TFDP1: variants seen among roughly 807,000 people sequenced by gnomAD.
The protein encoded by TFDP1 is transcription factor Dp-1.
A neutral mutation model predicts 48.0 loss-of-function variants in TFDP1; 6 were observed. The ratio of observed to expected loss-of-function variants is 0.13; its 90% confidence interval spans 0.07 to 0.25. The LOEUF (loss-of-function observed/expected upper bound fraction) is 0.25. Ranked by LOEUF, TFDP1 falls within the 10% of genes least tolerant of loss-of-function variation. The probability of loss-of-function intolerance (pLI) is 1.00; values close to 1 mark genes in which losing one functional copy is unlikely to be tolerated. For synonymous variants in TFDP1, 201 were observed against 211.6 expected (o/e 0.95, Z 0.44); for missense variants, 335 against 543.0 (o/e 0.62, Z 3.81).
intron 2 of TFDP1, among the ~76,000 whole-genome samples, chr13:113,594,406 T>C (rs572411128): frequency 2.8e-4 from 42 of 151,374 alleles, no homozygotes; most frequent in African/African-American, 1.0e-3. Flanking sequence ...CCTGCCCAGG[T>C]GACAGGTGTG....
intron 2 of TFDP1, among the ~76,000 whole-genome samples, chr13:113,595,114 G>A (rs186655738): frequency 1.3e-5 from 2 of 152,230 alleles, no homozygotes; most frequent in East Asian, 1.9e-4. Context: ...TTTTTGGTAC[G>A]TTGGGGAGTC....
chr13:113,624,936 T>A (rs1452747928), intron 4 of TFDP1, among the ~76,000 whole-genome samples: 1 of 147,572 alleles, frequency 6.8e-6, no homozygotes, highest in Non-Finnish European at 1.5e-5. Flanking sequence ...TTCTCAGGTG[T>A]CTCTCACATG....
At chr13:113,594,308 G>T (rs555953741) in intron 2 of TFDP1, among the ~76,000 whole-genome samples, 33 of 151,210 alleles carry the variant, frequency 2.2e-4, no homozygotes, top group African/African-American at 7.3e-4. Flanking sequence ...CTGTGTGTGG[G>T]TCCTCACCCT....
chr13:113,608,054 G>A (rs1258480782), intron 2 of TFDP1, among the ~76,000 whole-genome samples: 3 of 152,324 alleles, frequency 2.0e-5, no homozygotes, highest in Middle Eastern at 3.4e-3. Context: ...GTGGCTGAGT[G>A]CACGGTGGCC....
intron 2 of TFDP1, among the ~76,000 whole-genome samples, chr13:113,609,575 G>A (rs1448002370): frequency 6.6e-6 from 1 of 152,082 alleles, no homozygotes; most frequent in Non-Finnish European, 1.5e-5. Context: ...TGCAGTGGTC[G>A]TCTTGCTGGG....
intron 2 of TFDP1, among the ~76,000 whole-genome samples, chr13:113,605,777 A>T (rs528832869): frequency 6.6e-5 from 10 of 152,260 alleles, no homozygotes; most frequent in Non-Finnish European, 1.5e-4. Context: ...CACAGAAGTC[A>T]GTTCAGGGAG....
chr13:113,584,828 CCCGCGCTCCGCA>C lies in TFDP1; in HGVS notation c.-118_-107del, dbSNP rs1437600343. On this transcript the variant is annotated 5_prime_UTR_variant, in exon 1 of 12. Transcript: ENST00000375370. ...CCCAGCCCGCGCCTCTCCGCGCCGC[CCCGCGCTCCGCA>C]CCGCGCCCTCTCCGCGTCCCCGCCC... 4 of 146,272 alleles carry C rather than the reference CCCGCGCTCCGCA, an allele frequency of 2.7e-5. No individual in the cohort carries two copies. The highest frequency in any genetic ancestry group is 4.9e-5 in the African/African-American group (2 of 40,748). 9.1% of individuals were successfully genotyped at this position (146,272 alleles called of 1,614,324 possible).
chr13:113,633,774 TG>T lies in TFDP1; in HGVS notation c.475-112del. On this transcript the variant is annotated intron_variant, in intron 6 of 11. Transcript: ENST00000375370. This position sits in a 1 kb window ranked among gnomAD's most constrained non-coding sequence, Gnocchi z 4.5. Reference sequence around the variant, plus strand: ...GTGGGAGCGCTCCCTGAGGGCATGTTGGGGTGGCGGCTCCGTGAGCGGGGTG... The same window carrying T: ...GTGGGAGCGCTCCCTGAGGGCATGTTGGGTGGCGGCTCCGTGAGCGGGGTG... The T allele has an allele frequency of 7.8e-7, 1 of 1,284,276 alleles. No homozygotes were observed. The highest frequency in any genetic ancestry group is 1.4e-5 in the South Asian group (1 of 70,416). The allele number at this position is 1,284,276 out of a possible 1,614,324, so 79.6% of individuals were successfully genotyped here. A position where few individuals can be genotyped will look rare whatever the true frequency, so the allele number is the denominator to read the frequency against.
chr13:113,597,491 C>T (rs2048314177), intron 2 of TFDP1, among the ~76,000 whole-genome samples: 1 of 152,160 alleles, frequency 6.6e-6, no homozygotes, highest in Admixed American at 6.5e-5. Context: ...GCAGGGGTCC[C>T]GGGGCCTGAA....
intron 2 of TFDP1, among the ~76,000 whole-genome samples, chr13:113,591,774 A>T (rs1321853841): frequency 1.3e-5 from 2 of 152,180 alleles, no homozygotes; most frequent in Non-Finnish European, 2.9e-5. Context: ...GGTGGCTTAG[A>T]CTACGTGTGG....
chr13:113,612,322 C>T (rs1016020402), intron 3 of TFDP1, among the ~76,000 whole-genome samples: 1 of 152,256 alleles, frequency 6.6e-6, no homozygotes, highest in Non-Finnish European at 1.5e-5. Context: ...CCTCCCCAGC[C>T]TCCTGCTGTC....
intron 3 of TFDP1, among the ~76,000 whole-genome samples, chr13:113,621,877 C>T (rs907544881): frequency 6.6e-5 from 10 of 152,222 alleles, no homozygotes; most frequent in African/African-American, 1.9e-4. Flanking sequence ...GAGGCCTAAC[C>T]GTCTCCCTGT....
chr13:113,628,220 C>T (rs911006902), intron 4 of TFDP1, among the ~76,000 whole-genome samples: 4 of 144,536 alleles, frequency 2.8e-5, no homozygotes, highest in Admixed American at 1.3e-4. Context: ...TGTCTGGAGC[C>T]GTGTAAAGAC....
chr13:113,587,230 A>T (rs2048027796), intron 2 of TFDP1, among the ~76,000 whole-genome samples: 1 of 151,626 alleles, frequency 6.6e-6, no homozygotes, highest in African/African-American at 2.4e-5. Flanking sequence ...GCTCTGCAGG[A>T]CCCTGAATGC....
chr13:113,598,853 A>G lies in TFDP1; in HGVS notation c.13-12143A>G, dbSNP rs1263822479. Among the ~76,000 whole-genome samples the G allele has an allele frequency of 1.3e-5, 2 of 152,210 alleles. No homozygotes were observed. Among genetic ancestry groups the G allele is most frequent in the Non-Finnish European group, 2.9e-5 (2 of 68,040 alleles). On this transcript the variant is annotated intron_variant, in intron 2 of 11. Coordinates refer to ENST00000375370, the MANE Select transcript of TFDP1 (RefSeq NM_007111.5). The surrounding 1 kb of genome is among the most constrained non-coding windows in gnomAD (Gnocchi z 4.2). Reference sequence around the variant, plus strand: ...GATGTTGGGCACCACCCTCGCCTGCAGCTCATCACCTCTGGATGGATCTTG... The same window carrying G: ...GATGTTGGGCACCACCCTCGCCTGCGGCTCATCACCTCTGGATGGATCTTG...
chr13:113,614,118 TGAG>T (rs1381216609), intron 3 of TFDP1, among the ~76,000 whole-genome samples: 1 of 150,728 alleles, frequency 6.6e-6, no homozygotes, highest in African/African-American at 2.4e-5. Context: ...ACGTGTGAGT[TGAG>T]TTGTGTGCAT....
At chr13:113,592,010 T>C (rs1296557932) in intron 2 of TFDP1, among the ~76,000 whole-genome samples, 1 of 152,348 alleles carries the variant, frequency 6.6e-6, no homozygotes, top group East Asian at 1.9e-4. Context: ...CCGACTCCGC[T>C]TCAGGGCTCC....
chr13:113,621,240 C>T (rs867688822), intron 3 of TFDP1, among the ~76,000 whole-genome samples: 15 of 152,130 alleles, frequency 9.9e-5, no homozygotes, highest in Admixed American at 3.3e-4. Context: ...CAAGGTGTGG[C>T]GAGATCGGGG....
intron 8 of TFDP1, among the ~76,000 whole-genome samples, chr13:113,635,067 C>G (rs1273780958): frequency 6.6e-6 from 1 of 152,236 alleles, no homozygotes; most frequent in East Asian, 1.9e-4. Context: ...AGGTGCCAGG[C>G]AAGGCCTGTA....
Sources: allele counts gnomAD v4.1 joint callset (sites outside exome capture counted in the v4.1 genomes callset), GRCh38; gene constraint gnomAD v4.1.1; non-coding constraint Gnocchi (gnomAD v3.1); transcripts MANE v1.5; gene names NCBI Gene and HGNC (gene_info 2026-07-23, HGNC 2026-07-21).